The following UQCC1 variants were observed in gnomAD, a reference collection of about 807,000 sequenced individuals.
The protein encoded by UQCC1 is ubiquinol-cytochrome c reductase complex assembly factor 1.
UQCC1 carries 38 observed loss-of-function variants against 48.0 expected under a neutral mutation model. The observed-to-expected ratio is 0.79, with a 90% CI of 0.61 to 1.04. UQCC1 has a LOEUF of 1.04. Among genes scored for constraint, UQCC1 ranks in the 50% least tolerant of loss-of-function variants. The pLI is 0.00. For synonymous variants in UQCC1, 111 were observed against 129.2 expected, an observed-to-expected ratio of 0.86 and a Z score of 0.95; for missense variants, 368 against 381.8, an observed-to-expected ratio of 0.96 and a Z score of 0.30.
chr20:35,320,482 T>C (rs1404947182), intron 7 of UQCC1, among the ~76,000 whole-genome samples: 1 of 152,082 alleles, frequency 6.6e-6, no homozygotes, highest in South Asian at 2.1e-4. Flanking sequence ...CTGGAAGGAA[T>C]GTAGCTGCCC....
intron 1 of UQCC1, among the ~76,000 whole-genome samples, chr20:35,399,214 C>T (rs1051100118): frequency 6.6e-6 from 1 of 152,122 alleles, no homozygotes; most frequent in African/African-American, 2.4e-5. Flanking sequence ...CAACTGTTAC[C>T]GAATTATACA....
intron 6 of UQCC1, among the ~76,000 whole-genome samples, chr20:35,349,354 T>C (rs988256313): frequency 1.3e-5 from 2 of 152,182 alleles, no homozygotes; most frequent in Admixed American, 6.6e-5. Context: ...AAAGAACAAC[T>C]GTAAAAGTAC....
chr20:35,324,297 C>T (rs1243152594), intron 7 of UQCC1, among the ~76,000 whole-genome samples: 5 of 152,204 alleles, frequency 3.3e-5, no homozygotes, highest in South Asian at 2.1e-4. Context: ...GCTGGGATTA[C>T]AGGCACGCAC....
At position 35,314,166 on chromosome 20, in the gene UQCC1, G is replaced by A. The variant is rs531813437; in HGVS notation, c.651+522C>T. Among the ~76,000 whole-genome samples, 6 of 151,902 alleles carry A rather than the reference G, an allele frequency of 3.9e-5. No homozygotes were observed. The East Asian group carries it at 1.2e-3, about 30-fold the overall frequency. On this transcript the variant is annotated intron_variant, in intron 8 of 9. Coordinates refer to ENST00000374385, the MANE Select transcript of UQCC1 (RefSeq NM_018244.5). ...TTTTAGTGACACGGGGTTTCACCAT[G>A]TTGGCCAGGCTGGTCTCGAACTCCT...
chr20:35,314,402 G>C (rs2061033407), intron 8 of UQCC1, among the ~76,000 whole-genome samples: 1 of 151,800 alleles, frequency 6.6e-6, no homozygotes, highest in Non-Finnish European at 1.5e-5. Context: ...TGTCTCATTT[G>C]CCTCTGTCCC....
intron 2 of UQCC1, among the ~76,000 whole-genome samples, chr20:35,391,781 A>G (rs1189016194): frequency 6.6e-6 from 1 of 152,204 alleles, no homozygotes. Context: ...TATTATTTCA[A>G]TGTTAATTTC....
At chr20:35,366,762 G>A (rs180753723) in intron 5 of UQCC1, 148 bp from the exon 6 acceptor site, 3 of 611,710 alleles carry the variant, frequency 4.9e-6, no homozygotes, top group African/African-American at 1.9e-5. Flanking sequence ...CGAGACCACA[G>A]GATAAAAGAA....
chr20:35,399,714 G>A (rs538049274), intron 1 of UQCC1, among the ~76,000 whole-genome samples: 46 of 151,660 alleles, frequency 3.0e-4, no homozygotes, highest in Non-Finnish European at 2.9e-4. Context: ...AAAATTAGCC[G>A]GGCGTGGTGG....
At chr20:35,360,345 T>C (rs1043294007) in intron 6 of UQCC1, among the ~76,000 whole-genome samples, 2 of 152,180 alleles carry the variant, frequency 1.3e-5, no homozygotes, top group Admixed American at 1.3e-4. Context: ...CTGCAGAGGC[T>C]GCCAGTGTCT....
intron 7 of UQCC1, 193 bp downstream of exon 7, chr20:35,346,971 C>T: frequency 6.6e-7 from 1 of 1,517,662 alleles, no homozygotes; most frequent in Non-Finnish European, 8.8e-7. Context: ...ATAATGTGTA[C>T]AAACACATAA....
At chr20:35,365,968 C>G (rs1184241653) in intron 6 of UQCC1, among the ~76,000 whole-genome samples, 1 of 152,186 alleles carries the variant, frequency 6.6e-6, no homozygotes, top group Non-Finnish European at 1.5e-5. Flanking sequence ...ACTTCAACGA[C>G]TCTCCTATAT....
intron 6 of UQCC1, among the ~76,000 whole-genome samples, chr20:35,349,849 TAGTC>T (rs1287151777): frequency 7.9e-5 from 12 of 152,160 alleles, no homozygotes; most frequent in African/African-American, 2.9e-4. Flanking sequence ...ATATGAAAAT[TAGTC>T]AGGTGCCGTG....
intron 7 of UQCC1, among the ~76,000 whole-genome samples, chr20:35,339,971 G>C (rs1247353075): frequency 1.3e-5 from 2 of 152,038 alleles, no homozygotes; most frequent in African/African-American, 4.8e-5. Flanking sequence ...ACTTCAATAT[G>C]TATCTGCTAA....
Position 35,366,632 on chromosome 20 carries a change from G to A in UQCC1, c.407-18C>T. On this transcript the variant is annotated intron_variant, in intron 5 of 9. Transcript: ENST00000374385. Reference sequence around the variant, plus strand: ...CTGACACCCTAGAAAATAACAATAAGGTATAAGTATGTGAGGGTTTAAAGG... The same window carrying A: ...CTGACACCCTAGAAAATAACAATAAAGTATAAGTATGTGAGGGTTTAAAGG... The A allele has an allele frequency of 6.2e-7, 1 of 1,607,344 alleles. No individual in the cohort carries two copies. Among genetic ancestry groups the A allele is most frequent in the Non-Finnish European group, 8.5e-7 (1 of 1,174,192 alleles).
At chr20:35,330,441 C>T (rs1333403021) in intron 7 of UQCC1, among the ~76,000 whole-genome samples, 1 of 152,208 alleles carries the variant, frequency 6.6e-6, no homozygotes, top group Non-Finnish European at 1.5e-5. Context: ...AATAAAAACA[C>T]TGACTGCTTG....
intron 2 of UQCC1, among the ~76,000 whole-genome samples, chr20:35,393,182 A>T (rs989196303): frequency 1.1e-4 from 16 of 152,156 alleles, no homozygotes; most frequent in Non-Finnish European, 1.8e-4. Context: ...AACTGTTCAT[A>T]CTCTGACCCA....
intron 8 of UQCC1, among the ~76,000 whole-genome samples, chr20:35,308,234 C>T (rs1046276995): frequency 5.3e-5 from 8 of 152,252 alleles, no homozygotes; most frequent in Admixed American, 1.3e-4. Context: ...ACCCTCCTTA[C>T]GGTTCCACAG....
rs2060896973 is a variant in UQCC1 at position 35,303,876 on chromosome 20, A to T, written c.*59T>A. 8 of 1,612,726 alleles carry T rather than the reference A, an allele frequency of 5.0e-6. No individual in the cohort carries two copies. The South Asian group carries it at 7.7e-5, about 16-fold the overall frequency. ...TCTGCAGGGTCCTGGACCAACAGGCACTTCTCTCCTGGAGGTTCCTCGAAG... is the reference window on the plus strand; with the variant it reads ...TCTGCAGGGTCCTGGACCAACAGGCTCTTCTCTCCTGGAGGTTCCTCGAAG... On this transcript the variant is annotated 3_prime_UTR_variant, in exon 10 of 10. Coordinates refer to ENST00000374385, the MANE Select transcript of UQCC1 (RefSeq NM_018244.5).
chr20:35,373,436 T>C (rs1184339464), intron 5 of UQCC1, among the ~76,000 whole-genome samples: 1 of 152,148 alleles, frequency 6.6e-6, no homozygotes, highest in Non-Finnish European at 1.5e-5. Flanking sequence ...CCCAGCATTT[T>C]GGGAGGCCAA....
Sources: gnomAD v4.1 joint callset for allele counts (sites outside exome capture counted in the v4.1 genomes callset) on GRCh38, gnomAD v4.1.1 for gene constraint, MANE v1.5 for transcripts, NCBI Gene and HGNC (gene_info 2026-07-23, HGNC 2026-07-21) for gene names.